The following CRLF3 variants were observed in gnomAD, a reference collection of about 807,000 sequenced individuals.
CRLF3 encodes cytokine receptor-like factor 3.
A neutral mutation model predicts 55.0 loss-of-function variants in CRLF3; 33 were observed. The observed-to-expected ratio is 0.60, with a 90% CI of 0.46 to 0.80. The LOEUF (loss-of-function observed/expected upper bound fraction) is 0.80. Ranked by LOEUF, CRLF3 falls within the 30% of genes least tolerant of loss-of-function variation. CRLF3 has a pLI of 0.00. For missense variants in CRLF3, 494 were observed against 538.4 expected (o/e 0.92, Z 0.82); for synonymous variants, 238 against 196.8 (o/e 1.21, Z -1.75).
chr17:30,817,431 G>A (rs1188436246), intron 1 of CRLF3, among the ~76,000 whole-genome samples: 2 of 150,548 alleles, frequency 1.3e-5, no homozygotes, highest in African/African-American at 4.9e-5. Context: ...AAGTGAGACC[G>A]TCTTCAAAAA....
chr17:30,793,001 T>G (rs58834887), intron 5 of CRLF3, among the ~76,000 whole-genome samples: 2 of 145,938 alleles, frequency 1.4e-5, no homozygotes, highest in Non-Finnish European at 3.0e-5. Flanking sequence ...TAGAAAAAAA[T>G]AAAAAATTAG....
intron 1 of CRLF3, among the ~76,000 whole-genome samples, chr17:30,807,517 C>CTTTTTTTTTTTTTT (rs778842582): frequency 1.6e-5 from 1 of 62,972 alleles, no homozygotes; most frequent in Non-Finnish European, 2.9e-5. Context: ...ATTTTCTTTC[C>CTTTTTTTTTTTTTT]TTTTTTTTTT....
At position 30,796,356 on chromosome 17, in the gene CRLF3, T is replaced by C. The variant is rs776917248; in HGVS notation, c.426-19A>G. 1.6e-5 allele frequency: 26 copies of C among 1,600,264 alleles called. No homozygotes were observed. The highest frequency in any genetic ancestry group is 3.3e-4 in the Middle Eastern group (2 of 6,036). ...TGGTAAGCTGAGGAAACAAAGCTCA[T>C]GTGTTATGAGACCTCTAACTGAGAG... On this transcript the variant is annotated intron_variant, in intron 3 of 7. Coordinates refer to ENST00000324238, the MANE Select transcript of CRLF3 (RefSeq NM_015986.4).
At chr17:30,815,011 C>G (rs1904742986) in intron 1 of CRLF3, among the ~76,000 whole-genome samples, 1 of 146,820 alleles carries the variant, frequency 6.8e-6, no homozygotes, top group Admixed American at 6.8e-5. Flanking sequence ...CTTTAAAAAA[C>G]AAAAAAATCT....
At chr17:30,788,376 A>G (rs1342037544) in intron 6 of CRLF3, among the ~76,000 whole-genome samples, 47 of 147,358 alleles carry the variant, frequency 3.2e-4, no homozygotes, top group Non-Finnish European at 1.2e-4. Context: ...CCTTAAAAAA[A>G]ATCAGAAAAT....
At chr17:30,785,180 A>G (rs1351719028) in intron 7 of CRLF3, 1 of 139,322 alleles carries the variant, frequency 7.2e-6, no homozygotes, top group African/African-American at 2.8e-5. Context: ...GGTTCAAGCG[A>G]TTTTCCTACC....
chr17:30,824,345 A>C (rs1905078542), intron 1 of CRLF3, among the ~76,000 whole-genome samples, 178 bp downstream of exon 1: 4 of 131,670 alleles, frequency 3.0e-5, no homozygotes, highest in East Asian at 2.2e-4. Flanking sequence ...TCCCCTTACG[A>C]CCTCCCCAAC....
chr17:30,786,132 T>G, intron 6 of CRLF3, 101 bp from the exon 7 acceptor site: 2 of 708,186 alleles, frequency 2.8e-6, no homozygotes, highest in South Asian at 3.4e-5. Context: ...CCACAATTGT[T>G]TTTTTCTAAA....
At chr17:30,807,729 C>T (rs904673007) in intron 1 of CRLF3, among the ~76,000 whole-genome samples, 6 of 151,786 alleles carry the variant, frequency 4.0e-5, no homozygotes, top group South Asian at 2.1e-4. Flanking sequence ...GACAAAGTTT[C>T]GCCAAGCTGG....
At chr17:30,803,197 A>AT (rs1972033743) in intron 2 of CRLF3, among the ~76,000 whole-genome samples, 1 of 151,668 alleles carries the variant, frequency 6.6e-6, no homozygotes, top group Non-Finnish European at 1.5e-5. Flanking sequence ...ATATAATTTG[A>AT]TTGACTGTAA....
intron 1 of CRLF3, among the ~76,000 whole-genome samples, chr17:30,813,382 A>G (rs1408893400): frequency 6.6e-6 from 1 of 152,172 alleles, no homozygotes; most frequent in African/African-American, 2.4e-5. Flanking sequence ...GGCAAGCAAA[A>G]GTAACTATAA....
intron 1 of CRLF3, among the ~76,000 whole-genome samples, chr17:30,821,366 A>C (rs1203981092): frequency 6.6e-6 from 1 of 151,996 alleles, no homozygotes; most frequent in African/African-American, 2.4e-5. Flanking sequence ...AAAAAAGGAA[A>C]AAAAGTATGC....
Position 30,796,364 on chromosome 17 carries a change from G to A in CRLF3, c.426-27C>T, listed in dbSNP as rs751236047. 10 of 1,571,308 alleles carry A rather than the reference G, an allele frequency of 6.4e-6. No individual in the cohort carries two copies. The South Asian group carries it at 1.2e-4, about 19-fold the overall frequency. On this transcript the variant is annotated intron_variant, in intron 3 of 7. Coordinates refer to ENST00000324238, the MANE Select transcript of CRLF3 (RefSeq NM_015986.4). Reference sequence around the variant, plus strand: ...TGAGGAAACAAAGCTCATGTGTTATGAGACCTCTAACTGAGAGTTAAAAAA... The same window carrying A: ...TGAGGAAACAAAGCTCATGTGTTATAAGACCTCTAACTGAGAGTTAAAAAA...
At chr17:30,815,084 CTTTTTT>C (rs541526248) in intron 1 of CRLF3, among the ~76,000 whole-genome samples, 2 of 107,488 alleles carry the variant, frequency 1.9e-5, no homozygotes, top group African/African-American at 3.5e-5. Context: ...TTCTTTCTTT[CTTTTTT>C]TTTTTTTTTT....
At position 30,824,633 on chromosome 17, in the gene CRLF3, G is replaced by C. The variant is rs1431828623; in HGVS notation, c.19C>G (p.Leu7Val). The C allele has an allele frequency of 1.2e-6, 2 of 1,601,326 alleles. No individual in the cohort carries two copies. The highest frequency in any genetic ancestry group is 1.7e-6 in the Non-Finnish European group (2 of 1,177,898). MRGAME[L>V]EPELLLQEAR... ...TCCTGCAACAGCAGCTCAGGCTCCA[G>C]CTCCATCGCCCCCCTCATCTGGCCG... Residue 7 changes from leucine (L) to valine (V), a missense_variant, in exon 1 of 8, where the codon CTG becomes GTG. Physicochemically the swap from Leu to Val is conservative, Grantham distance 32. Transcript: ENST00000324238.
chr17:30,824,466 C>G (rs1905082516), intron 1 of CRLF3, 57 bp downstream of exon 1: 1 of 1,512,146 alleles, frequency 6.6e-7, no homozygotes, highest in Non-Finnish European at 8.8e-7. Context: ...CCAGCCTTCG[C>G]CCGGCATCCG....
chr17:30,791,618 C>T (rs570145834), intron 6 of CRLF3, among the ~76,000 whole-genome samples: 8 of 146,276 alleles, frequency 5.5e-5, no homozygotes, highest in African/African-American at 1.0e-4. Flanking sequence ...CCCGGGTTCA[C>T]GCCATTCTCC....
intron 7 of CRLF3, chr17:30,784,758 ATTT>A (rs72335377): frequency 3.5e-3 from 645 of 183,024 alleles, no homozygotes; most frequent in South Asian, 0.015. Flanking sequence ...CACCAACACA[ATTT>A]TTTTTTTTTT....
chr17:30,796,857 G>A (rs1314343921), intron 3 of CRLF3, among the ~76,000 whole-genome samples: 1 of 151,444 alleles, frequency 6.6e-6, no homozygotes, highest in African/African-American at 2.4e-5. Flanking sequence ...TCGAGTAGCT[G>A]GGACTTACAG....
Sources: allele counts gnomAD v4.1 joint callset (sites outside exome capture counted in the v4.1 genomes callset), GRCh38; gene constraint gnomAD v4.1.1; transcripts MANE v1.5; gene names NCBI Gene and HGNC (gene_info 2026-07-23, HGNC 2026-07-21).